The following TENM2 variants were observed in gnomAD, a reference collection of about 807,000 sequenced individuals.
The protein encoded by TENM2 is teneurin-2.
In TENM2, 52 loss-of-function variants were observed where a neutral mutation model predicts 245.2. The ratio of observed to expected loss-of-function variants is 0.21; its 90% CI spans 0.17 to 0.27. The LOEUF is 0.27. Ranked by LOEUF, TENM2 falls within the 10% of genes least tolerant of loss-of-function variation. TENM2 has a pLI of 1.00. For missense variants in TENM2, 3,046 were observed against 3,666.8 expected (o/e 0.83, Z 4.37); for synonymous variants, 1,363 against 1,438.9 (o/e 0.95, Z 1.19).
intron 2 of TENM2, among the ~76,000 whole-genome samples, chr5:167,859,593 C>A (rs1771508634): frequency 8.9e-6 from 1 of 112,642 alleles, no homozygotes. Context: ...GCCGCCCCGT[C>A]CGGGAGGGAG....
intron 2 of TENM2, among the ~76,000 whole-genome samples, chr5:167,682,561 T>A (rs1172217875): frequency 1.3e-5 from 2 of 152,212 alleles, no homozygotes; most frequent in Non-Finnish European, 2.9e-5. Flanking sequence ...AAAATTATTC[T>A]TCTTGGATTC....
chr5:167,645,007 T>C (rs553489912), intron 2 of TENM2, among the ~76,000 whole-genome samples: 1 of 152,336 alleles, frequency 6.6e-6, no homozygotes, highest in East Asian at 1.9e-4. Context: ...TATGTTATTG[T>C]ACTGAATACT....
At chr5:167,231,775 A>AAGCC in the TENM2 span, among the ~76,000 whole-genome samples, 2 of 152,212 alleles carry the variant, frequency 1.3e-5, no homozygotes, top group Admixed American at 6.5e-5. Context: ...AAGTAATGAG[A>AAGCC]AGCCAAATGT....
At chr5:167,323,755 C>A (rs1265582424) in intron 1 of TENM2, among the ~76,000 whole-genome samples, 1 of 152,082 alleles carries the variant, frequency 6.6e-6, no homozygotes, top group African/African-American at 2.4e-5. Flanking sequence ...GGTTCTTATT[C>A]CCAGGTCCTA....
intron 3 of TENM2, among the ~76,000 whole-genome samples, chr5:167,901,482 G>A (rs112077382): frequency 1.7e-4 from 26 of 152,280 alleles, no homozygotes; most frequent in African/African-American, 6.0e-4. Context: ...CTGTGGTCTA[G>A]AGTTTGGGTT....
intron 2 of TENM2, among the ~76,000 whole-genome samples, chr5:167,640,882 T>TATATGG (rs1779547967): frequency 1.5e-5 from 1 of 67,528 alleles, no homozygotes; most frequent in African/African-American, 9.6e-5. Context: ...TATATATATA[T>TATATGG]ATATATATAT....
intron 26 of TENM2, among the ~76,000 whole-genome samples, 178 bp from the exon 29 acceptor site, chr5:168,246,579 A>G (rs1766594545): frequency 6.6e-6 from 1 of 152,230 alleles, no homozygotes; most frequent in South Asian, 2.1e-4. Context: ...CTAGGCAACC[A>G]CCATGATCCA....
the TENM2 span, among the ~76,000 whole-genome samples, chr5:167,163,378 C>T: frequency 6.6e-6 from 1 of 152,092 alleles, no homozygotes; most frequent in Non-Finnish European, 1.5e-5. Context: ...GGCGTGAGAG[C>T]GTGAGCCACT....
intron 26 of TENM2, among the ~76,000 whole-genome samples, chr5:168,246,097 G>C (rs1257312332): frequency 6.6e-6 from 1 of 152,076 alleles, no homozygotes; most frequent in South Asian, 2.1e-4. Flanking sequence ...GCCAGGCGTG[G>C]TGGTGCATGC....
chr5:167,075,310 A>G, the TENM2 span, among the ~76,000 whole-genome samples: 2 of 151,994 alleles, frequency 1.3e-5, no homozygotes, highest in South Asian at 2.1e-4. Context: ...ATACCCAACA[A>G]CCATCCCTTA....
chr5:167,905,566 T>C (rs1776028424), intron 3 of TENM2, among the ~76,000 whole-genome samples: 1 of 152,320 alleles, frequency 6.6e-6, no homozygotes, highest in Admixed American at 6.5e-5. Flanking sequence ...TGAGACCTTT[T>C]TAAATTTAGC....
At chr5:168,042,455 T>C (rs983714102) in intron 5 of TENM2, among the ~76,000 whole-genome samples, 2 of 152,164 alleles carry the variant, frequency 1.3e-5, no homozygotes, top group East Asian at 1.9e-4. Flanking sequence ...GTTGATCCTC[T>C]GCCAGCCAAT....
intron 2 of TENM2, among the ~76,000 whole-genome samples, chr5:167,424,068 G>A (rs185686811): frequency 8.5e-5 from 13 of 152,108 alleles, no homozygotes; most frequent in Admixed American, 5.2e-4. Context: ...CCTCTGTCCC[G>A]GCAGAAATAC....
chr5:168,070,791 GAA>G (rs200241171), intron 7 of TENM2, among the ~76,000 whole-genome samples: 30 of 85,570 alleles, frequency 3.5e-4, no homozygotes, highest in African/African-American at 8.2e-4. Flanking sequence ...CAGAAAGAAA[GAA>G]AGAGAGAGAG....
intron 2 of TENM2, among the ~76,000 whole-genome samples, chr5:167,389,568 T>C (rs1761640366): frequency 6.6e-6 from 1 of 152,170 alleles, no homozygotes; most frequent in Non-Finnish European, 1.5e-5. Context: ...TCATTGTACA[T>C]TTAACTAATT....
the TENM2 span, among the ~76,000 whole-genome samples, chr5:167,009,975 A>G: frequency 6.6e-6 from 1 of 152,204 alleles, no homozygotes; most frequent in Admixed American, 6.5e-5. Flanking sequence ...AATATAATTG[A>G]ATTTTTTATT....
intron 2 of TENM2, among the ~76,000 whole-genome samples, chr5:167,516,157 C>A (rs919647117): frequency 1.3e-5 from 2 of 152,064 alleles, no homozygotes; most frequent in African/African-American, 4.8e-5. Context: ...CGAATATAAT[C>A]TATTTCTGTA....
At chr5:167,582,170 T>C (rs952364439) in intron 2 of TENM2, among the ~76,000 whole-genome samples, 1 of 152,154 alleles carries the variant, frequency 6.6e-6, no homozygotes, top group Non-Finnish European at 1.5e-5. Context: ...AGACCAAAGA[T>C]AGGATTAGTT....
intron 24 of TENM2, among the ~76,000 whole-genome samples, chr5:168,226,466 C>T (rs1242622331): frequency 6.6e-6 from 1 of 151,810 alleles, no homozygotes; most frequent in African/African-American, 2.4e-5. Flanking sequence ...AACAGAATGT[C>T]ATCTACACCC....
Sources: gnomAD v4.1 joint callset for allele counts (sites outside exome capture counted in the v4.1 genomes callset) on GRCh38, gnomAD v4.1.1 for gene constraint, MANE v1.5 for transcripts, NCBI Gene and HGNC (gene_info 2026-07-23, HGNC 2026-07-21) for gene names.